Variants in CDYL2 observed in about 807,000 individuals in gnomAD.
CDYL2 encodes chromodomain Y like 2.
Under a neutral mutation model 49.4 loss-of-function variants are expected in CDYL2, and 23 were observed. That is an observed-to-expected ratio of 0.47 (90% CI 0.34 to 0.66). The LOEUF (loss-of-function observed/expected upper bound fraction) is 0.66, where lower values mean the gene tolerates loss of function less well. CDYL2 is among the 30% of genes least tolerant of loss of function. The probability of loss-of-function intolerance (pLI) is 0.01; values close to 1 mark genes in which losing one functional copy is unlikely to be tolerated. For missense variants in CDYL2, 678 were observed against 656.4 expected (o/e 1.03, Z -0.36); for synonymous variants, 360 against 268.8 (o/e 1.34, Z -3.32).
rs1302642497 is a variant in CDYL2 at position 80,712,187 on chromosome 16, GTGTGTA to G, written c.25-27064_25-27059del. Among the ~76,000 whole-genome samples the G allele has an allele frequency of 4.0e-3, 152 of 38,098 alleles. 5 individuals are homozygous for G. The highest frequency in any genetic ancestry group is 0.014 in the Admixed American group (40 of 2,896). 25.0% of individuals were successfully genotyped at this position (38,098 alleles called of 152,430 possible). A position where few individuals can be genotyped will look rare whatever the true frequency, so the allele number is the denominator to read the frequency against. On this transcript the variant is annotated intron_variant, in intron 1 of 6. Coordinates refer to ENST00000570137, the MANE Select transcript of CDYL2 (RefSeq NM_152342.4). ...TATATATATGTGTCTTTGTGTCTGT[GTGTGTA>G]TATATATATATATATATATATATCT... is the stretch of plus-strand genomic sequence containing the variant.
At chr16:80,697,847 T>C (rs1904282132) in intron 1 of CDYL2, among the ~76,000 whole-genome samples, 1 of 151,532 alleles carries the variant, frequency 6.6e-6, no homozygotes, top group African/African-American at 2.4e-5. Flanking sequence ...ACCAAGGAGA[T>C]GAAAGATCTC....
At chr16:80,705,203 G>A (rs970841700) in intron 1 of CDYL2, among the ~76,000 whole-genome samples, 2 of 152,244 alleles carry the variant, frequency 1.3e-5, no homozygotes, top group African/African-American at 4.8e-5. Context: ...GTTTCCTCTA[G>A]CAGGATGGCT....
chr16:80,725,857 T>C (rs1905147193), intron 1 of CDYL2, among the ~76,000 whole-genome samples: 1 of 152,202 alleles, frequency 6.6e-6, no homozygotes, highest in Non-Finnish European at 1.5e-5. Context: ...TTTCAAATTC[T>C]CACTTGTTAC....
At chr16:80,762,922 T>A (rs950261714) in intron 1 of CDYL2, among the ~76,000 whole-genome samples, 2 of 152,222 alleles carry the variant, frequency 1.3e-5, no homozygotes, top group Non-Finnish European at 2.9e-5. Context: ...CTGCTGGCCA[T>A]GAGTTCAATG....
intron 2 of CDYL2, among the ~76,000 whole-genome samples, chr16:80,670,442 G>C (rs999895916): frequency 6.6e-6 from 1 of 152,166 alleles, no homozygotes; most frequent in Non-Finnish European, 1.5e-5. Flanking sequence ...CGCCATGATT[G>C]TAAGTTTCCT....
chr16:80,618,271 C>A (rs1906920378), intron 4 of CDYL2, among the ~76,000 whole-genome samples: 1 of 132,850 alleles, frequency 7.5e-6, no homozygotes, highest in South Asian at 2.1e-4. Context: ...CAGTTTGGGC[C>A]TCAGGCCCCA....
chr16:80,767,362 G>A (rs1210455646), intron 1 of CDYL2, among the ~76,000 whole-genome samples: 3 of 152,124 alleles, frequency 2.0e-5, no homozygotes, highest in East Asian at 1.9e-4. Flanking sequence ...ATACTAAGCT[G>A]AATTTCTCAG....
chr16:80,751,875 C>G (rs932746053), intron 1 of CDYL2, among the ~76,000 whole-genome samples: 3 of 152,176 alleles, frequency 2.0e-5, no homozygotes, highest in South Asian at 4.1e-4. Context: ...TCTGCCTCTT[C>G]TTTGCCTACT....
In CDYL2 at chr16:80,766,363, A is replaced by G. The variant is rs1338651597; in HGVS notation, c.24+37787T>C. Among the ~76,000 whole-genome samples, 3 of 152,238 alleles carry G rather than the reference A, an allele frequency of 2.0e-5. 1 individual carries two copies. The highest frequency in any genetic ancestry group is 2.0e-4 in the Admixed American group (3 of 15,290). On this transcript the variant is annotated intron_variant, in intron 1 of 6. Coordinates refer to ENST00000570137, the MANE Select transcript of CDYL2 (RefSeq NM_152342.4). The stretch of plus-strand genomic sequence containing the variant: ...GAGAAAAATTTAACCTCTACTACCA[A>G]AGAAAAATACATTTGAAATGATAAT...
intron 4 of CDYL2, among the ~76,000 whole-genome samples, chr16:80,613,836 A>G (rs1300160553): frequency 6.6e-6 from 1 of 152,222 alleles, no homozygotes; most frequent in Non-Finnish European, 1.5e-5. Context: ...AGAACTCACA[A>G]GAATAAAATC....
At chr16:80,677,458 G>A (rs1351781220) in intron 2 of CDYL2, among the ~76,000 whole-genome samples, 1 of 152,176 alleles carries the variant, frequency 6.6e-6, no homozygotes, top group Non-Finnish European at 1.5e-5. Context: ...GGAGGTGTCG[G>A]CCAGGCGCAG....
intron 1 of CDYL2, among the ~76,000 whole-genome samples, chr16:80,709,207 C>G (rs982022740): frequency 6.6e-6 from 1 of 152,060 alleles, no homozygotes; most frequent in Admixed American, 6.6e-5. Context: ...CATGGCGAAA[C>G]CCCGTCTCCA....
At chr16:80,718,798 G>A (rs1267177931) in intron 1 of CDYL2, among the ~76,000 whole-genome samples, 4 of 152,194 alleles carry the variant, frequency 2.6e-5, no homozygotes, top group African/African-American at 4.8e-5. Flanking sequence ...CAGCCACACC[G>A]CTGTTGGAGA....
At chr16:80,655,858 C>T (rs1479970431) in intron 2 of CDYL2, among the ~76,000 whole-genome samples, 1 of 152,192 alleles carries the variant, frequency 6.6e-6, no homozygotes, top group Non-Finnish European at 1.5e-5. Context: ...GAGCAGTCCT[C>T]GAGGTCCCTC....
intron 1 of CDYL2, among the ~76,000 whole-genome samples, chr16:80,696,009 T>C (rs1437003103): frequency 6.6e-6 from 1 of 152,156 alleles, no homozygotes; most frequent in Non-Finnish European, 1.5e-5. Flanking sequence ...GCCACAAAAG[T>C]CTCTACAAAT....
intron 2 of CDYL2, among the ~76,000 whole-genome samples, chr16:80,679,559 C>T (rs1441714269): frequency 6.6e-6 from 1 of 152,226 alleles, no homozygotes; most frequent in Non-Finnish European, 1.5e-5. Context: ...TCACGACTGC[C>T]ATGAGGATCA....
intron 2 of CDYL2, among the ~76,000 whole-genome samples, chr16:80,660,407 T>C (rs1908994175): frequency 6.6e-6 from 1 of 151,922 alleles, no homozygotes. Flanking sequence ...GAGGACATCA[T>C]ATTTGTTAGA....
intron 1 of CDYL2, among the ~76,000 whole-genome samples, chr16:80,747,446 C>T (rs544209425): frequency 2.6e-5 from 4 of 152,314 alleles, no homozygotes; most frequent in South Asian, 2.1e-4. Flanking sequence ...AAGGACTAGA[C>T]ACAAGGCCGG....
At chr16:80,680,324 CAGAAATGTGG>C (rs1034552977) in intron 2 of CDYL2, among the ~76,000 whole-genome samples, 1 of 152,188 alleles carries the variant, frequency 6.6e-6, no homozygotes, top group Non-Finnish European at 1.5e-5. Context: ...AACGTCCTTT[CAGAAATGTGG>C]ACATGGGGCC....
Sources: allele counts gnomAD v4.1 joint callset (sites outside exome capture counted in the v4.1 genomes callset), GRCh38; gene constraint gnomAD v4.1.1; transcripts MANE v1.5; gene names NCBI Gene and HGNC (gene_info 2026-07-23, HGNC 2026-07-21).